Variants in ITGA7 observed in about 807,000 individuals in gnomAD.
ITGA7 encodes integrin alpha-7.
In ITGA7, 84 loss-of-function variants were observed where a neutral mutation model predicts 131.6. The ratio of observed to expected loss-of-function variants is 0.64; its 90% CI spans 0.54 to 0.77. The LOEUF is 0.77. Among genes scored for constraint, ITGA7 ranks in the 30% least tolerant of loss-of-function variants. The pLI is 0.00. For synonymous variants in ITGA7, 548 were observed against 600.7 expected (o/e 0.91, Z 1.28); for missense variants, 1,399 against 1,482.9 (o/e 0.94, Z 0.93).
At chr12:55,695,306 T>G in intron 14 of ITGA7, 2 of 602,046 alleles carry the variant, frequency 3.3e-6, no homozygotes, top group Non-Finnish European at 5.9e-6. Context: ...ATATTATTAG[T>G]GTACTGTGAA....
chr12:55,703,027 C>T (rs201540792), intron 2 of ITGA7, 24 bp downstream of exon 2: 115 of 1,613,918 alleles, frequency 7.1e-5, no homozygotes, highest in Non-Finnish European at 8.5e-5. Context: ...ACGCTTCCCC[C>T]ACTCTGTTCA....
At position 55,697,516 on chromosome 12, in the gene ITGA7, C is replaced by T; in HGVS notation, c.1440G>A (p.Glu480=). 1.2e-6 allele frequency: 2 copies of T among 1,614,074 alleles called. No individual in the cohort carries two copies. The highest frequency in any genetic ancestry group is 1.7e-6 in the Non-Finnish European group (2 of 1,180,030). The change falls in exon 10 of 25, where the codon GAG becomes GAA. Residue 480 remains glutamate (E), a synonymous_variant. Transcript: ENST00000257879. ...CGATGCTTCGTGGAGCAATAGAGAC[C>T]TCATGGGAGACATGGAGGATGGGTC... is the stretch of plus-strand genomic sequence containing the variant. ...RARPILHVSH[E]VSIAPRSIDL...
Position 55,700,894 on chromosome 12 carries a change from C to G in ITGA7, c.670+5G>C. On this transcript the variant is annotated splice_donor_5th_base_variant and intron_variant, in intron 4 of 24. Transcript: ENST00000257879. ...CCCTTCTCCCCTTCCCGAGGAGTGA[C>G]TCACCCTTCCAATTATAGGTTCCTG... 1 of 1,614,196 alleles carries G rather than the reference C, an allele frequency of 6.2e-7. No individual in the cohort carries two copies. The highest frequency in any genetic ancestry group is 1.1e-5 in the South Asian group (1 of 91,084).
upstream of ITGA7, chr12:55,707,926 C>G: frequency 7.2e-7 from 1 of 1,383,808 alleles, no homozygotes; most frequent in South Asian, 1.5e-5. Flanking sequence ...CCTCCTCTCC[C>G]GGGGACGCCA....
At chr12:55,685,481 C>A (rs1869895937) in intron 24 of ITGA7, among the ~76,000 whole-genome samples, 193 bp from the exon 25 acceptor site, 1 of 152,150 alleles carries the variant, frequency 6.6e-6, no homozygotes, top group African/African-American at 2.4e-5. Context: ...TTCTCATTCA[C>A]AGCAAGAGAG....
chr12:55,707,941 G>A, upstream of ITGA7: 1 of 1,358,450 alleles, frequency 7.4e-7, no homozygotes, highest in Non-Finnish European at 9.5e-7. Context: ...ACGCCACTCA[G>A]GCCCCGCCTC....
chr12:55,696,426 C>T lies in ITGA7; in HGVS notation c.1744G>A (p.Val582Ile). 1 of 1,598,740 alleles carries T rather than the reference C, an allele frequency of 6.3e-7. No homozygotes were observed. The highest frequency in any genetic ancestry group is 1.1e-5 in the South Asian group (1 of 88,520). Residue 582 changes from valine to isoleucine, a missense_variant, in exon 13 of 25, where the codon GTC becomes ATC. By Grantham distance (29) the Val-to-Ile change is conservative (BLOSUM62 3). Transcript: ENST00000257879. ...ACAATGGCCCGAAGCTTGTCTTTGA[C>T]ATTTTCCTAGGAAGAGGAAGGTCTA... Reference protein sequence around the residue: ...GDAMFQLQENVKDKLRAIVVT... With the variant: ...GDAMFQLQENIKDKLRAIVVT...
At chr12:55,709,771 C>T (rs1185061295), upstream of ITGA7, among the ~76,000 whole-genome samples, 1 of 151,790 alleles carries the variant, frequency 6.6e-6, no homozygotes, top group Non-Finnish European at 1.5e-5. Flanking sequence ...ATTCCCACTC[C>T]ACTGGCTTCT....
chr12:55,701,361 C>A, intron 3 of ITGA7: 2 of 1,553,174 alleles, frequency 1.3e-6, no homozygotes, highest in Non-Finnish European at 1.7e-6. Context: ...CATAACCCAG[C>A]AACCTGTCTG....
intron 24 of ITGA7, 89 bp downstream of exon 24, chr12:55,687,882 G>A (rs2135952690): frequency 6.4e-7 from 1 of 1,553,848 alleles, no homozygotes; most frequent in East Asian, 2.2e-5. Context: ...GAATACATGA[G>A]TGTGTGGGTG....
Position 55,697,434 on chromosome 12 carries a change from A to G in ITGA7, c.1505+17T>C. 1 of 1,612,568 alleles carries G rather than the reference A, an allele frequency of 6.2e-7. No homozygotes were observed. Among genetic ancestry groups the G allele is most frequent in the Non-Finnish European group, 8.5e-7 (1 of 1,178,910 alleles). On this transcript the variant is annotated intron_variant, in intron 10 of 24. Coordinates refer to ENST00000257879, the MANE Select transcript of ITGA7 (RefSeq NM_002206.3). The stretch of plus-strand genomic sequence containing the variant: ...GGGAAGCTGCCAGGGTCCAGGTGCC[A>G]CCCGATCCCACCTCACCAGACCGAG...
In ITGA7 at chr12:55,700,896, C is replaced by G; in HGVS notation, c.670+3G>C. On this transcript the variant is annotated splice_donor_region_variant and intron_variant, in intron 4 of 24. Transcript: ENST00000257879. ...CTTCTCCCCTTCCCGAGGAGTGACTCACCCTTCCAATTATAGGTTCCTGGG... is the reference window on the plus strand; with the variant it reads ...CTTCTCCCCTTCCCGAGGAGTGACTGACCCTTCCAATTATAGGTTCCTGGG... 6.2e-7 allele frequency: 1 copy of G among 1,614,194 alleles called. No individual in the cohort carries two copies. Among genetic ancestry groups the G allele is most frequent in the Non-Finnish European group, 8.5e-7 (1 of 1,180,020 alleles).
rs773647967 is a variant in ITGA7, at chr12:55,702,901, G to C, written c.385C>G (p.Arg129Gly). ...KENQWLGVSV[R>G]SQGPGGKIVT... ...ATCTTGCCCCCAGGCCCCTGGCTCC[G>C]AACACTGACTCCCAACCACTGGTTC... Residue 129 changes from arginine to glycine, a missense_variant, in exon 3 of 25, where the codon CGG becomes GGG. By Grantham distance (125) the Arg-to-Gly change is moderately radical (BLOSUM62 -2). Transcript: ENST00000257879. 11 of 1,612,856 alleles carry C rather than the reference G, an allele frequency of 6.8e-6. No homozygotes were observed. In the East Asian group the frequency reaches 2.0e-4, roughly 29 times the overall value.
chr12:55,716,086 T>A (rs746666462), upstream of ITGA7: 1 of 1,582,286 alleles, frequency 6.3e-7, no homozygotes, highest in Admixed American at 1.8e-5. Context: ...CGTTCCAGCT[T>A]CCGGAGCCGG....
upstream of ITGA7, chr12:55,712,439 C>A (rs1044250444): frequency 6.4e-5 from 40 of 622,374 alleles, no homozygotes; most frequent in Non-Finnish European, 1.1e-4. Flanking sequence ...CAACCCCTAA[C>A]AACTCAGCAG....
intron 1 of ITGA7, among the ~76,000 whole-genome samples, chr12:55,703,710 C>T (rs1398528979): frequency 6.6e-6 from 1 of 152,130 alleles, no homozygotes; most frequent in African/African-American, 2.4e-5. Context: ...GACCCACTGC[C>T]CCCTCATCAG....
At chr12:55,689,907 C>A (rs1210421476) in intron 21 of ITGA7, among the ~76,000 whole-genome samples, 4 of 152,192 alleles carry the variant, frequency 2.6e-5, no homozygotes, top group Non-Finnish European at 5.9e-5. Flanking sequence ...GCTGGGAAAA[C>A]TGGCTAGCCA....
chr12:55,714,799 T>TAC (rs1178429137), upstream of ITGA7, among the ~76,000 whole-genome samples: 2 of 150,858 alleles, frequency 1.3e-5, no homozygotes, highest in African/African-American at 4.9e-5. Flanking sequence ...TATACATACA[T>TAC]ATATATAGTG....
intron 21 of ITGA7, 138 bp from the exon 22 acceptor site, chr12:55,689,095 G>A (rs1441020288): frequency 6.0e-6 from 4 of 669,620 alleles, no homozygotes; most frequent in Non-Finnish European, 1.1e-5. Flanking sequence ...ATCCAAAATA[G>A]CTGCCTGCCC....
Sources: allele counts gnomAD v4.1 joint callset (sites outside exome capture counted in the v4.1 genomes callset), GRCh38; gene constraint gnomAD v4.1.1; transcripts MANE v1.5; gene names NCBI Gene and HGNC (gene_info 2026-07-23, HGNC 2026-07-21).